The following LTBR variants were observed in gnomAD, a reference collection of about 807,000 sequenced individuals.
LTBR encodes the protein lymphotoxin beta receptor, also known as tumor necrosis factor receptor superfamily member 3.
LTBR carries 15 observed loss-of-function variants against 45.4 expected under a neutral mutation model. The observed-to-expected ratio is 0.33, with a 90% CI of 0.22 to 0.51. The LOEUF (loss-of-function observed/expected upper bound fraction) is 0.51, where lower values mean the gene tolerates loss of function less well. Among genes scored for constraint, LTBR ranks in the 20% least tolerant of loss-of-function variants. LTBR has a pLI of 0.97. For synonymous variants in LTBR, 228 were observed against 231.0 expected, an observed-to-expected ratio of 0.99 and a Z score of 0.12; for missense variants, 450 against 565.5, an observed-to-expected ratio of 0.80 and a Z score of 2.07.
Position 6,386,473 on chromosome 12 carries a change from G to C in LTBR, c.667+29G>C, listed in dbSNP as rs772393139. 3.2e-6 allele frequency: 5 copies of C among 1,568,802 alleles called. No homozygotes were observed. The highest frequency in any genetic ancestry group is 4.4e-6 in the Non-Finnish European group (5 of 1,140,456). ...AGGGACCAGGGCTGAGGGACACGGG[G>C]GGGGCGCCTCTGAAAATGCCTTAAT... On this transcript the variant is annotated intron_variant, in intron 6 of 9. Coordinates refer to ENST00000228918, the MANE Select transcript of LTBR (RefSeq NM_002342.3). The surrounding 1 kb of genome is among the most constrained non-coding windows in gnomAD (Gnocchi z 4.1).
chr12:6,377,026 G>A (rs1188548566), intron 1 of LTBR: 2 of 483,758 alleles, frequency 4.1e-6, no homozygotes, highest in African/African-American at 2.0e-5. Flanking sequence ...GGCTAGGGGA[G>A]CCTAGGGGCT....
At chr12:6,390,361 AG>A in intron 9 of LTBR, 21 bp downstream of exon 9, 1 of 1,564,480 alleles carries the variant, frequency 6.4e-7, no homozygotes, top group Non-Finnish European at 8.7e-7. Flanking sequence ...GGCAGGGAGA[AG>A]AGAGGAAGGA....
At chr12:6,380,151 C>T (rs1948969187), upstream of LTBR, among the ~76,000 whole-genome samples, 1 of 152,108 alleles carries the variant, frequency 6.6e-6, no homozygotes, top group African/African-American at 2.4e-5. Context: ...AGTAGCACCT[C>T]CTGAGTCATT....
chr12:6,386,480 C>A lies in LTBR; in HGVS notation c.667+36C>A. On this transcript the variant is annotated intron_variant, in intron 6 of 9. Coordinates refer to ENST00000228918, the MANE Select transcript of LTBR (RefSeq NM_002342.3). The surrounding 1 kb of genome is among the most constrained non-coding windows in gnomAD (Gnocchi z 4.1). ...AGGGCTGAGGGACACGGGGGGGGCG[C>A]CTCTGAAAATGCCTTAATGCTCCAC... The A allele has an allele frequency of 6.6e-7, 1 of 1,513,826 alleles. No individual in the cohort carries two copies. The highest frequency in any genetic ancestry group is 9.1e-7 in the Non-Finnish European group (1 of 1,093,090). The allele number at this position is 1,513,826 out of a possible 1,614,324, so 93.8% of individuals were successfully genotyped here.
chr12:6,388,662 G>A lies in LTBR; in HGVS notation c.776-138G>A. 1.7e-6 allele frequency: 2 copies of A among 1,169,184 alleles called. No individual in the cohort carries two copies. The highest frequency in any genetic ancestry group is 2.5e-6 in the Non-Finnish European group (2 of 786,708). 72.4% of individuals were successfully genotyped at this position (1,169,184 alleles called of 1,614,324 possible). On this transcript the variant is annotated intron_variant, in intron 7 of 9. Coordinates refer to ENST00000228918, the MANE Select transcript of LTBR (RefSeq NM_002342.3). This position sits in a 1 kb window ranked among gnomAD's most constrained non-coding sequence, Gnocchi z 4.3. ...CATCCAGCTGCTTATTCTGAGGCTG[G>A]AGATGAGAGTGACAGTGGCTTGTTC...
intron 1 of LTBR, among the ~76,000 whole-genome samples, chr12:6,378,086 C>T (rs956007565): frequency 2.0e-5 from 3 of 152,204 alleles, no homozygotes; most frequent in Non-Finnish European, 4.4e-5. Context: ...AATTTTTCAG[C>T]AATACAGAAG....
chr12:6,386,475 G>A lies in LTBR; in HGVS notation c.667+31G>A. Reference sequence around the variant, plus strand: ...GGACCAGGGCTGAGGGACACGGGGGGGGCGCCTCTGAAAATGCCTTAATGC... The same window carrying A: ...GGACCAGGGCTGAGGGACACGGGGGAGGCGCCTCTGAAAATGCCTTAATGC... On this transcript the variant is annotated intron_variant, in intron 6 of 9. Coordinates refer to ENST00000228918, the MANE Select transcript of LTBR (RefSeq NM_002342.3). This position sits in a 1 kb window ranked among gnomAD's most constrained non-coding sequence, Gnocchi z 4.1. 1 of 1,564,078 alleles carries A rather than the reference G, an allele frequency of 6.4e-7. No homozygotes were observed. The highest frequency in any genetic ancestry group is 1.1e-5 in the South Asian group (1 of 89,554).
chr12:6,377,097 A>G (rs972338306), intron 1 of LTBR: 281 of 597,478 alleles, frequency 4.7e-4, no homozygotes, highest in Non-Finnish European at 5.0e-5. Context: ...AATCTTGACA[A>G]GCAAGGAGTT....
chr12:6,377,377 C>A, intron 1 of LTBR: 1 of 948,398 alleles, frequency 1.1e-6, no homozygotes, highest in South Asian at 1.5e-5. Flanking sequence ...AAAATAGGAG[C>A]AGAGCTATAA....
intron 1 of LTBR, chr12:6,376,194 C>G: frequency 1.0e-6 from 1 of 985,398 alleles, no homozygotes; most frequent in Non-Finnish European, 1.2e-6. Context: ...GAGCAGCGCA[C>G]TCAGGTGGGA....
At chr12:6,383,970 C>T, upstream of LTBR, 1 of 1,069,114 alleles carries the variant, frequency 9.4e-7, no homozygotes, top group Non-Finnish European at 1.1e-6. Context: ...GTCCGCAGTC[C>T]GCTCTCCCGA....
chr12:6,390,395 A>G, intron 9 of LTBR, 55 bp downstream of exon 9: 1 of 1,447,900 alleles, frequency 6.9e-7, no homozygotes, highest in South Asian at 1.2e-5. Context: ...GATGGCTGGC[A>G]GGGAGAGACT....
At position 6,390,709 on chromosome 12, in the gene LTBR, C is replaced by A; in HGVS notation, c.1080C>A (p.Asn360Lys). 6.7e-7 allele frequency: 1 copy of A among 1,500,108 alleles called. No individual in the cohort carries two copies. The highest frequency in any genetic ancestry group is 2.3e-5 in the East Asian group (1 of 43,318). 92.9% of individuals were successfully genotyped at this position (1,500,108 alleles called of 1,614,324 possible). ...GCGGGTCTATGACTATCACTGGCAA[C>A]ATCTACATCTACAATGGACCAGTAC... ...VTGGSMTITG[N>K]IYIYNGPVLG... The change falls in exon 10 of 10, where the codon AAC (asparagine) becomes AAA (lysine). Residue 360 changes from asparagine (N) to lysine (K), a missense_variant. By Grantham distance (94) the Asn-to-Lys change is moderately conservative. Coordinates refer to ENST00000228918, the MANE Select transcript of LTBR (RefSeq NM_002342.3).
chr12:6,390,119 G>A lies in LTBR; in HGVS notation c.809G>A (p.Gly270Glu), dbSNP rs762314697. 7.4e-6 allele frequency: 12 copies of A among 1,613,522 alleles called. No individual in the cohort carries two copies. The highest frequency in any genetic ancestry group is 3.3e-5 in the Admixed American group (2 of 60,006). The stretch of plus-strand genomic sequence containing the variant: ...TCCATCTCTTTCCTGCAGGGAGAGG[G>A]ACCCAATCCTGTAGCTGGAAGCTGG... ...SLLKRRPQGE[G>E]PNPVAGSWEP... The change falls in exon 9 of 10, where the codon GGA (glycine) becomes GAA (glutamate). Residue 270 changes from glycine to glutamate, a missense_variant. By Grantham distance (98) the Gly-to-Glu change is moderately conservative. This residue lies in a region of LTBR where 367 missense variants were observed against 435.4 expected (regional missense o/e 0.84). Coordinates refer to ENST00000228918, the MANE Select transcript of LTBR (RefSeq NM_002342.3).
At chr12:6,381,596 G>T (rs186449155), upstream of LTBR, among the ~76,000 whole-genome samples, 1 of 152,346 alleles carries the variant, frequency 6.6e-6, no homozygotes, top group East Asian at 1.9e-4. Flanking sequence ...GCCAGCTGGG[G>T]TTAAAAGGGG....
In LTBR at chr12:6,388,841, G is replaced by T; in HGVS notation, c.801+16G>T. Reference sequence around the variant, plus strand: ...GCGTCCGCAGGTAATGGCGGGGGCTGAGAAGGCAGCAAGAAGGGGAAGAGG... The same window carrying T: ...GCGTCCGCAGGTAATGGCGGGGGCTTAGAAGGCAGCAAGAAGGGGAAGAGG... On this transcript the variant is annotated intron_variant, in intron 8 of 9. Coordinates refer to ENST00000228918, the MANE Select transcript of LTBR (RefSeq NM_002342.3). This position sits in a 1 kb window ranked among gnomAD's most constrained non-coding sequence, Gnocchi z 4.3. The T allele has an allele frequency of 6.2e-7, 1 of 1,613,996 alleles. No homozygotes were observed. The highest frequency in any genetic ancestry group is 8.5e-7 in the Non-Finnish European group (1 of 1,179,992).
chr12:6,378,181 G>A (rs1248442773), intron 1 of LTBR, among the ~76,000 whole-genome samples: 3 of 151,930 alleles, frequency 2.0e-5, no homozygotes, highest in African/African-American at 7.3e-5. Context: ...ATCTTTTTGT[G>A]TGCCTTTATA....
Position 6,385,274 on chromosome 12 carries a change from C to G in LTBR, c.367C>G (p.Gln123Glu). 11 of 1,614,134 alleles carry G rather than the reference C, an allele frequency of 6.8e-6. No homozygotes were observed. Among genetic ancestry groups the G allele is most frequent in the Non-Finnish European group, 9.3e-6 (11 of 1,180,028 alleles). Residue 123 changes from glutamine to glutamate, a missense_variant, in exon 4 of 10, where the codon CAG becomes GAG. By Grantham distance (29) the Gln-to-Glu change is conservative. Transcript: ENST00000228918. ...CCCCTGCACAAGCAAACGGAAGACC[C>G]AGTGCCGCTGCCAGCCGGGAATGTT... ...IAPCTSKRKT[Q>E]CRCQPGMFCA... is the part of the protein sequence containing the mutation.
chr12:6,385,765 G>T (rs901124900), intron 4 of LTBR: 1 of 257,584 alleles, frequency 3.9e-6, no homozygotes, highest in South Asian at 4.3e-5. Flanking sequence ...AATTAGCCGG[G>T]CGTGGTGGTG....
Sources: gnomAD v4.1 joint callset for allele counts (sites outside exome capture counted in the v4.1 genomes callset) on GRCh38, gnomAD v4.1.1 for gene constraint, gnomAD v4.1.1 regional missense constraint, Gnocchi (gnomAD v3.1) non-coding constraint, MANE v1.5 for transcripts, NCBI Gene and HGNC (gene_info 2026-07-23, HGNC 2026-07-21) for gene names.